The following IGF2BP3 variants were observed in gnomAD, a reference collection of about 807,000 sequenced individuals.
IGF2BP3 encodes the protein insulin like growth factor 2 mRNA binding protein 3.
Under a neutral mutation model 73.8 loss-of-function variants are expected in IGF2BP3, and 9 were observed. The observed-to-expected ratio is 0.12, with a 90% confidence interval of 0.07 to 0.21. IGF2BP3 has a LOEUF of 0.21. Among genes scored for constraint, IGF2BP3 ranks in the 10% least tolerant of loss-of-function variants. The pLI is 1.00. For synonymous variants in IGF2BP3, 258 were observed against 256.7 expected (o/e 1.01, Z -0.05); for missense variants, 542 against 714.0 (o/e 0.76, Z 2.75).
chr7:23,409,309 A>G (rs1786943288), intron 3 of IGF2BP3, among the ~76,000 whole-genome samples: 1 of 152,230 alleles, frequency 6.6e-6, no homozygotes, highest in South Asian at 2.1e-4. Flanking sequence ...ACAACTTAGT[A>G]AAGTTGATAA....
At chr7:23,407,811 T>C (rs1310404797) in intron 3 of IGF2BP3, among the ~76,000 whole-genome samples, 2 of 151,796 alleles carry the variant, frequency 1.3e-5, no homozygotes, top group Admixed American at 1.3e-4. Context: ...TACAGACCAA[T>C]ATCCTTCATG....
At chr7:23,335,433 A>G (rs1439125657) in intron 10 of IGF2BP3, among the ~76,000 whole-genome samples, 3 of 151,308 alleles carry the variant, frequency 2.0e-5, no homozygotes, top group African/African-American at 2.4e-5. Flanking sequence ...GGCAAAGGCC[A>G]CCACCCCCGG....
intron 2 of IGF2BP3, 73 bp from the exon 3 acceptor site, chr7:23,418,897 T>G: frequency 1.1e-6 from 1 of 918,914 alleles, no homozygotes; most frequent in Non-Finnish European, 1.7e-6. Context: ...ACATGGAAGT[T>G]TAGAAACTAC....
intron 5 of IGF2BP3, among the ~76,000 whole-genome samples, chr7:23,359,638 C>G (rs1016576694): frequency 3.3e-5 from 5 of 151,946 alleles, no homozygotes; most frequent in African/African-American, 1.2e-4. Flanking sequence ...CTTGAGCCCA[C>G]GAGTTCAAGA....
intron 6 of IGF2BP3, among the ~76,000 whole-genome samples, chr7:23,350,883 T>C (rs866661767): frequency 1.3e-5 from 2 of 152,352 alleles, no homozygotes; most frequent in African/African-American, 2.4e-5. Flanking sequence ...GAGCGATTCT[T>C]TATTCGAGTA....
intron 3 of IGF2BP3, among the ~76,000 whole-genome samples, chr7:23,371,334 A>T (rs1404538044): frequency 1.3e-5 from 2 of 150,850 alleles, no homozygotes; most frequent in Non-Finnish European, 2.9e-5. Flanking sequence ...TCCTTCAAAC[A>T]GCTCAGCACA....
chr7:23,363,845 GT>G (rs143482367), intron 3 of IGF2BP3, among the ~76,000 whole-genome samples: 25 of 152,372 alleles, frequency 1.6e-4, no homozygotes, highest in African/African-American at 6.0e-4. Flanking sequence ...AATTTGCCAT[GT>G]GATGTTGATC....
intron 3 of IGF2BP3, among the ~76,000 whole-genome samples, chr7:23,416,783 G>A (rs1787202371): frequency 6.6e-6 from 1 of 152,236 alleles, no homozygotes; most frequent in Non-Finnish European, 1.5e-5. Context: ...GCTGGGTGCA[G>A]TGGCTCACGC....
intron 2 of IGF2BP3, among the ~76,000 whole-genome samples, chr7:23,461,830 C>A (rs2128551610): frequency 6.6e-6 from 1 of 152,306 alleles, no homozygotes; most frequent in South Asian, 2.1e-4. Flanking sequence ...ACATGCATGC[C>A]ACTCTACCAA....
At chr7:23,316,658 G>C (rs571129034) in intron 12 of IGF2BP3, among the ~76,000 whole-genome samples, 6 of 127,122 alleles carry the variant, frequency 4.7e-5, no homozygotes, top group East Asian at 5.0e-4. Flanking sequence ...CTGGGCGACA[G>C]AGTGAGACTC....
At chr7:23,435,595 A>C (rs1174779332) in intron 2 of IGF2BP3, among the ~76,000 whole-genome samples, 1 of 151,714 alleles carries the variant, frequency 6.6e-6, no homozygotes, top group East Asian at 2.0e-4. Context: ...AGCTGGGATT[A>C]CAGGCGCCCA....
intron 3 of IGF2BP3, among the ~76,000 whole-genome samples, chr7:23,373,623 T>C (rs1318909357): frequency 6.6e-6 from 1 of 152,208 alleles, no homozygotes; most frequent in Admixed American, 6.5e-5. Flanking sequence ...GCAGCTGCTA[T>C]GAAAAACAGT....
intron 3 of IGF2BP3, among the ~76,000 whole-genome samples, chr7:23,401,985 C>T (rs555174132): frequency 4.6e-5 from 7 of 151,914 alleles, no homozygotes; most frequent in Non-Finnish European, 7.4e-5. Flanking sequence ...GGCATGGTGG[C>T]GTGTCCCTGA....
At chr7:23,391,806 G>GA (rs1786286023) in intron 3 of IGF2BP3, among the ~76,000 whole-genome samples, 1 of 152,224 alleles carries the variant, frequency 6.6e-6, no homozygotes, top group Non-Finnish European at 1.5e-5. Context: ...ACAGAAGGTA[G>GA]AATGGCAAGA....
In IGF2BP3 at chr7:23,470,027, C is replaced by T; in HGVS notation, c.84G>A (p.Pro28=). 1 of 1,612,882 alleles carries T rather than the reference C, an allele frequency of 6.2e-7. No homozygotes were observed. Among genetic ancestry groups the T allele is most frequent in the South Asian group, 1.1e-5 (1 of 91,016 alleles). ...TCTTCACCAGGAAGGGTCCCGACACCGGGATCTTGGCGTCCTTGAAGATAC... is the reference window on the plus strand; with the variant it reads ...TCTTCACCAGGAAGGGTCCCGACACTGGGATCTTGGCGTCCTTGAAGATAC... The part of the protein sequence containing the change: ...LESIFKDAKI[P]VSGPFLVKTG... The change falls in exon 1 of 15, where the codon CCG becomes CCA. Residue 28 remains proline, a synonymous_variant. Transcript: ENST00000258729.
At chr7:23,321,291 T>C (rs188251766) in intron 10 of IGF2BP3, among the ~76,000 whole-genome samples, 2 of 152,316 alleles carry the variant, frequency 1.3e-5, no homozygotes, top group Admixed American at 6.5e-5. Flanking sequence ...TTCCCTTTCC[T>C]AGTCAAAGAA....
intron 2 of IGF2BP3, among the ~76,000 whole-genome samples, chr7:23,459,517 C>G (rs1027502631): frequency 9.2e-5 from 14 of 152,112 alleles, no homozygotes; most frequent in Admixed American, 1.3e-4. Flanking sequence ...TCAAATCACG[C>G]ATTTAGACCA....
In IGF2BP3 at chr7:23,469,276, G is replaced by T. The variant is rs899247791; in HGVS notation, c.175+660C>A. ...CCGCGCCAGGGCCCGGAGAGCGGCGGGCGGCCGGTGCGTGGCGGCGACTCC... is the reference window on the plus strand; with the variant it reads ...CCGCGCCAGGGCCCGGAGAGCGGCGTGCGGCCGGTGCGTGGCGGCGACTCC... On this transcript the variant is annotated intron_variant, in intron 1 of 14. Transcript: ENST00000258729. The surrounding 1 kb of genome is among the most constrained non-coding windows in gnomAD (Gnocchi z 6.1). 1 of 152,266 alleles carries T rather than the reference G, an allele frequency of 6.6e-6. No homozygotes were observed. Among genetic ancestry groups the T allele is most frequent in the African/African-American group, 2.4e-5 (1 of 41,444 alleles). The allele number at this position is 152,266 out of a possible 1,614,324, so 9.4% of individuals were successfully genotyped here.
At chr7:23,324,298 C>G (rs1486155768) in intron 10 of IGF2BP3, among the ~76,000 whole-genome samples, 78 of 151,496 alleles carry the variant, frequency 5.1e-4, no homozygotes, top group African/African-American at 1.8e-3. Context: ...AACACCTCTA[C>G]GCAAATAAAC....
Sources: gnomAD v4.1 joint callset for allele counts (sites outside exome capture counted in the v4.1 genomes callset) on GRCh38, gnomAD v4.1.1 for gene constraint, Gnocchi (gnomAD v3.1) non-coding constraint, MANE v1.5 for transcripts, NCBI Gene and HGNC (gene_info 2026-07-23, HGNC 2026-07-21) for gene names.